The following TRIM2 variants were observed in gnomAD, a reference collection of about 807,000 sequenced individuals.
The protein encoded by TRIM2 is tripartite motif-containing protein 2.
TRIM2 carries 20 observed loss-of-function variants against 75.2 expected under a neutral mutation model. That is an observed-to-expected ratio of 0.27 (90% CI 0.19 to 0.39). The LOEUF (loss-of-function observed/expected upper bound fraction) is 0.39, where lower values mean the gene tolerates loss of function less well. Among genes scored for constraint, TRIM2 ranks in the 10% least tolerant of loss-of-function variants. The pLI is 1.00. For synonymous variants in TRIM2, 373 were observed against 388.3 expected, an observed-to-expected ratio of 0.96 and a Z score of 0.46; for missense variants, 660 against 990.8, an observed-to-expected ratio of 0.67 and a Z score of 4.48.
chr4:153,222,971 G>A (rs1286102868), intron 1 of TRIM2: 2 of 152,296 alleles, frequency 1.3e-5, no homozygotes, highest in East Asian at 3.9e-4. Flanking sequence ...CGAGGCCCAG[G>A]CCCGAGGGGT....
chr4:153,253,207 G>T lies in TRIM2; in HGVS notation c.31-17128G>T, dbSNP rs191317511. ...TTAACCAGGGGCAGGAGGCAGGAGA[G>T]GCTGAGAGTGTTCCTGGCAGAACAA... On this transcript the variant is annotated intron_variant, in intron 1 of 11. Transcript: ENST00000338700. Among the ~76,000 whole-genome samples, 74 of 152,318 alleles carry T rather than the reference G, an allele frequency of 4.9e-4. 1 individual carries two copies. The highest frequency in any genetic ancestry group is 1.7e-3 in the African/African-American group (70 of 41,566).
intron 3 of TRIM2, among the ~76,000 whole-genome samples, chr4:153,278,267 C>T (rs1357758606): frequency 3.9e-5 from 6 of 152,102 alleles, no homozygotes; most frequent in Non-Finnish European, 1.5e-5. Context: ...GTGCATGCCA[C>T]CACGCCCAGC....
At chr4:153,236,111 C>G (rs1038751421) in intron 1 of TRIM2, among the ~76,000 whole-genome samples, 1 of 152,068 alleles carries the variant, frequency 6.6e-6, no homozygotes, top group Non-Finnish European at 1.5e-5. Context: ...CATTCTCCCT[C>G]CTGCCACCCT....
At position 153,315,912 on chromosome 4, in the gene TRIM2, A is replaced by G; in HGVS notation, c.1695A>G (p.Gly565=). The G allele has an allele frequency of 6.2e-7, 1 of 1,613,990 alleles. No homozygotes were observed. The highest frequency in any genetic ancestry group is 8.5e-7 in the Non-Finnish European group (1 of 1,179,978). The part of the protein sequence containing the change: ...RSPGQLQRPT[G]VAVHPSGDII... Reference sequence around the variant, plus strand: ...CGGGGCAGCTGCAGCGGCCCACAGGAGTGGCTGTACATCCCAGTGGGGACA... The same window carrying G: ...CGGGGCAGCTGCAGCGGCCCACAGGGGTGGCTGTACATCCCAGTGGGGACA... The change falls in exon 8 of 12, where the codon GGA becomes GGG. Residue 565 remains glycine, a synonymous_variant. Transcript: ENST00000338700.
At chr4:153,229,959 A>G (rs1380614559) in intron 1 of TRIM2, among the ~76,000 whole-genome samples, 1 of 152,180 alleles carries the variant, frequency 6.6e-6, no homozygotes, top group Non-Finnish European at 1.5e-5. Flanking sequence ...TTAGTCTTCA[A>G]TCTTCCTTAT....
chr4:153,299,925 C>T (rs114089022), intron 6 of TRIM2, among the ~76,000 whole-genome samples: 2,153 of 152,332 alleles, frequency 0.014, 26 homozygotes, highest in Middle Eastern at 0.024. Context: ...GTAGGAGCTA[C>T]CTGCGTCAGG....
intron 1 of TRIM2, among the ~76,000 whole-genome samples, chr4:153,256,335 C>T (rs949549645): frequency 6.6e-6 from 1 of 152,226 alleles, no homozygotes; most frequent in Non-Finnish European, 1.5e-5. Flanking sequence ...GAGGCCCCTT[C>T]AAGGGCTCAC....
At chr4:153,252,296 C>T (rs144889004) in intron 1 of TRIM2, among the ~76,000 whole-genome samples, 1 of 152,314 alleles carries the variant, frequency 6.6e-6, no homozygotes, top group East Asian at 1.9e-4. Flanking sequence ...TGCCTGATTA[C>T]TGTTCCTGTT....
intron 1 of TRIM2, among the ~76,000 whole-genome samples, chr4:153,243,673 G>A (rs1381758501): frequency 1.3e-5 from 2 of 152,160 alleles, no homozygotes; most frequent in Non-Finnish European, 2.9e-5. Context: ...CTAAGTCAGA[G>A]GGTATTATTG....
At chr4:153,204,238 G>C (rs1468536885), upstream of TRIM2, among the ~76,000 whole-genome samples, 1 of 152,282 alleles carries the variant, frequency 6.6e-6, no homozygotes, top group East Asian at 1.9e-4. Context: ...TCCTACTGGG[G>C]GCTGTAAAGA....
chr4:153,237,570 C>T (rs1340331888), intron 1 of TRIM2, among the ~76,000 whole-genome samples: 4 of 152,052 alleles, frequency 2.6e-5, no homozygotes, highest in Non-Finnish European at 4.4e-5. Context: ...ATCCCAACTA[C>T]TCAGGAGGCT....
At chr4:153,314,228 G>T (rs965737271) in intron 6 of TRIM2, among the ~76,000 whole-genome samples, 1 of 144,518 alleles carries the variant, frequency 6.9e-6, no homozygotes, top group Admixed American at 6.7e-5. Flanking sequence ...AGACCATCCC[G>T]GCTAAAACGG....
At chr4:153,225,745 G>A (rs963509100) in intron 1 of TRIM2, among the ~76,000 whole-genome samples, 4 of 152,152 alleles carry the variant, frequency 2.6e-5, no homozygotes, top group Non-Finnish European at 5.9e-5. Flanking sequence ...TTTTATGTAT[G>A]GTTAGAGGGT....
In TRIM2 at chr4:153,317,159, C is replaced by T. The variant is rs568629703; in HGVS notation, c.1782+1160C>T. 4.3e-4 allele frequency among the ~76,000 whole-genome samples: 65 copies of T among 149,960 alleles called. 1 individual carries two copies. In the South Asian group the frequency reaches 0.014, roughly 32 times the overall value. ...CCTCCCAAAGTGCTGGGATTACAGG[C>T]GTGAGCCACCACGCCTGGCCGCATT... On this transcript the variant is annotated intron_variant, in intron 8 of 11. Transcript: ENST00000338700.
intron 3 of TRIM2, among the ~76,000 whole-genome samples, chr4:153,281,098 C>A (rs1010093035): frequency 2.8e-4 from 43 of 152,156 alleles, no homozygotes; most frequent in African/African-American, 8.4e-4. Context: ...GCCTAAAAAT[C>A]ATTTATGGAA....
At chr4:153,286,903 C>T (rs1760759133) in intron 3 of TRIM2, among the ~76,000 whole-genome samples, 1 of 152,134 alleles carries the variant, frequency 6.6e-6, no homozygotes, top group African/African-American at 2.4e-5. Context: ...AGAATAGCCA[C>T]TCTAGCTCCC....
intron 1 of TRIM2, among the ~76,000 whole-genome samples, chr4:153,234,462 A>G (rs1036197043): frequency 1.3e-5 from 2 of 152,224 alleles, no homozygotes; most frequent in African/African-American, 4.8e-5. Context: ...ATCTCATGCA[A>G]CCTTTGTTTC....
chr4:153,300,282 C>G (rs1261915956), intron 6 of TRIM2, among the ~76,000 whole-genome samples: 1 of 152,048 alleles, frequency 6.6e-6, no homozygotes, highest in Non-Finnish European at 1.5e-5. Context: ...CAGAGTCTTG[C>G]TCTGTTTCCC....
At chr4:153,250,349 A>G (rs1416508749) in intron 1 of TRIM2, among the ~76,000 whole-genome samples, 2 of 152,110 alleles carry the variant, frequency 1.3e-5, no homozygotes, top group Non-Finnish European at 2.9e-5. Context: ...CGAGCGCCTG[A>G]TCTCAAGGGA....
Sources: allele counts gnomAD v4.1 joint callset (sites outside exome capture counted in the v4.1 genomes callset), GRCh38; gene constraint gnomAD v4.1.1; transcripts MANE v1.5; gene names NCBI Gene and HGNC (gene_info 2026-07-23, HGNC 2026-07-21).